Variants in RNF41 observed in about 807,000 individuals in gnomAD.
The protein encoded by RNF41 is ring finger protein 41, also known as E3 ubiquitin-protein ligase NRDP1.
A neutral mutation model predicts 33.0 loss-of-function variants in RNF41; 4 were observed. That is an observed-to-expected ratio of 0.12 (90% CI 0.06 to 0.28). RNF41 has a LOEUF of 0.28. Ranked by LOEUF, RNF41 falls within the 10% of genes least tolerant of loss-of-function variation. The pLI, the probability that RNF41 is intolerant of heterozygous loss-of-function variation, is 1.00. For synonymous variants in RNF41, 164 were observed against 153.2 expected, an observed-to-expected ratio of 1.07 and a Z score of -0.52; for missense variants, 228 against 432.6, an observed-to-expected ratio of 0.53 and a Z score of 4.19.
intron 1 of RNF41, 126 bp downstream of exon 1, chr12:56,221,634 C>G (rs939501093): frequency 1.3e-5 from 2 of 152,604 alleles, no homozygotes; most frequent in Non-Finnish European, 2.9e-5. Flanking sequence ...ACATTTTTAT[C>G]TCTACCACCA....
intron 3 of RNF41, chr12:56,213,167 G>C (rs933614549): frequency 7.8e-7 from 1 of 1,278,912 alleles, no homozygotes; most frequent in African/African-American, 1.5e-5. Flanking sequence ...GAAAAAAATA[G>C]GTCAGTACAT....
rs545764796 is a variant in RNF41, at chr12:56,205,924, C to G, written c.*523G>C. On this transcript the variant is annotated 3_prime_UTR_variant, in exon 7 of 7. Transcript: ENST00000345093. ...GGCTGAACAGGGATACTGCTTGGCA[C>G]AGAGGTCCAGTCTTTCCCTAAGGGC... 1 of 156,314 alleles carries G rather than the reference C, an allele frequency of 6.4e-6. No individual in the cohort carries two copies. The highest frequency in any genetic ancestry group is 1.4e-5 in the Non-Finnish European group (1 of 70,206). 9.7% of individuals were successfully genotyped at this position (156,314 alleles called of 1,614,324 possible). A position where few individuals can be genotyped will look rare whatever the true frequency, so the allele number is the denominator to read the frequency against.
rs1401980096 is a variant in RNF41 at position 56,208,208 on chromosome 12, C to T, written c.453G>A (p.Glu151=). The change falls in exon 5 of 7, where the codon GAG becomes GAA. Residue 151 remains glutamate (E), a synonymous_variant. Coordinates refer to ENST00000345093, the MANE Select transcript of RNF41 (RefSeq NM_005785.4). ...VVQQQQTRIA[E]LEKTSAEHKH... The stretch of plus-strand genomic sequence containing the variant: ...TGTGTTCAGCTGACGTCTTCTCCAG[C>T]TCTGCGATGCGTGTCTGCTGCTGCT... 1 of 1,614,248 alleles carries T rather than the reference C, an allele frequency of 6.2e-7. No homozygotes were observed. The highest frequency in any genetic ancestry group is 1.1e-5 in the South Asian group (1 of 91,088).
chr12:56,207,018 GTCTC>G (rs1270218819), intron 6 of RNF41: 1 of 1,144,828 alleles, frequency 8.7e-7, no homozygotes, highest in South Asian at 1.7e-5. Context: ...TCTGCACTCT[GTCTC>G]TGTTACTTTT....
chr12:56,202,767 C>T lies in RNF41; in HGVS notation c.*3680G>A, dbSNP rs1328841065. Reference sequence around the variant, plus strand: ...TTTGCAGGTAGGTGCCATTTTGCTACATAAGCCTCCTCATGTTCACTCTAG... The same window carrying T: ...TTTGCAGGTAGGTGCCATTTTGCTATATAAGCCTCCTCATGTTCACTCTAG... On this transcript the variant is annotated 3_prime_UTR_variant, in exon 7 of 7. Transcript: ENST00000345093. The T allele has an allele frequency of 6.6e-6, 1 of 152,204 alleles. No individual in the cohort carries two copies. Among genetic ancestry groups the T allele is most frequent in the Non-Finnish European group, 1.5e-5 (1 of 68,038 alleles). The allele number at this position is 152,204 out of a possible 1,614,324, so 9.4% of individuals were successfully genotyped here. A position where few individuals can be genotyped will look rare whatever the true frequency, so the allele number is the denominator to read the frequency against.
intron 2 of RNF41, 39 bp from the exon 3 acceptor site, chr12:56,214,109 A>G (rs1868681097): frequency 9.3e-7 from 1 of 1,070,520 alleles, no homozygotes; most frequent in Non-Finnish European, 1.5e-6. Flanking sequence ...GTTCAGAAGA[A>G]GCCTACAAAT....
chr12:56,204,666 G>GGT lies in RNF41; in HGVS notation c.*1779_*1780dup, dbSNP rs1878759779. ...GTAAGGACAGGACAGTATGAGCCTT[G>GGT]GTTAAGGCAGGTAGGGGAAAGGGGA... On this transcript the variant is annotated 3_prime_UTR_variant, in exon 7 of 7. Transcript: ENST00000345093. 6.6e-6 allele frequency: 1 copy of GGT among 152,612 alleles called. No individual in the cohort carries two copies. Among genetic ancestry groups the GGT allele is most frequent in the South Asian group, 2.1e-4 (1 of 4,832 alleles). The allele number at this position is 152,612 out of a possible 1,614,324, so 9.5% of individuals were successfully genotyped here. A position where few individuals can be genotyped will look rare whatever the true frequency, so the allele number is the denominator to read the frequency against.
At chr12:56,209,732 C>T (rs1234497417) in intron 4 of RNF41, among the ~76,000 whole-genome samples, 1 of 152,232 alleles carries the variant, frequency 6.6e-6, no homozygotes, top group Non-Finnish European at 1.5e-5. Context: ...GCTGGGATTA[C>T]AGGCGTGAGC....
At chr12:56,207,342 T>C (rs578235496) in intron 6 of RNF41, 105 of 1,263,068 alleles carry the variant, frequency 8.3e-5, no homozygotes, top group Admixed American at 1.7e-4. Flanking sequence ...CTATTTCTTT[T>C]TGGCCCTCCT....
chr12:56,210,665 G>A, intron 3 of RNF41, 97 bp from the exon 4 acceptor site: 1 of 1,268,584 alleles, frequency 7.9e-7, no homozygotes, highest in Non-Finnish European at 1.1e-6. Context: ...AAGCCTTTGA[G>A]CAGCCTCTAC....
chr12:56,212,870 A>C, intron 3 of RNF41: 3 of 685,824 alleles, frequency 4.4e-6, no homozygotes, highest in Non-Finnish European at 6.6e-6. Flanking sequence ...AAAATGTGAT[A>C]ATCTCTAGAT....
intron 3 of RNF41, among the ~76,000 whole-genome samples, chr12:56,211,971 CA>C (rs1176555839): frequency 2.7e-5 from 4 of 150,278 alleles, no homozygotes; most frequent in Admixed American, 2.0e-4. Context: ...GACTCCATCT[CA>C]AAAAAACAAA....
In RNF41 at chr12:56,203,904, A is replaced by ACCATC. The variant is rs1878715685; in HGVS notation, c.*2542_*2543insGATGG. The ACCATC allele has an allele frequency of 1.4e-5, 2 of 148,012 alleles. No individual in the cohort carries two copies. The highest frequency in any genetic ancestry group is 1.4e-4 in the Admixed American group (2 of 14,676). 9.2% of individuals were successfully genotyped at this position (148,012 alleles called of 1,614,324 possible). On this transcript the variant is annotated 3_prime_UTR_variant, in exon 7 of 7. Coordinates refer to ENST00000345093, the MANE Select transcript of RNF41 (RefSeq NM_005785.4). ...GTATTTTTAGTAGAGACGGGGTTTC[A>ACCATC]CTGTGTTAGCCAGGATGGTCTCGAA...
rs1159164640 is a variant in RNF41, at chr12:56,204,521, G to T, written c.*1926C>A. On this transcript the variant is annotated 3_prime_UTR_variant, in exon 7 of 7. Coordinates refer to ENST00000345093, the MANE Select transcript of RNF41 (RefSeq NM_005785.4). ...AAGAATTTAGAGAGTTGAGTAAAAG[G>T]TTTATTATTAGTGCAGTCAACACCA... The T allele has an allele frequency of 6.6e-6, 1 of 152,342 alleles. No individual in the cohort carries two copies. Among genetic ancestry groups the T allele is most frequent in the Non-Finnish European group, 1.5e-5 (1 of 68,044 alleles). 9.4% of individuals were successfully genotyped at this position (152,342 alleles called of 1,614,324 possible).
In RNF41 at chr12:56,206,319, G is replaced by A; in HGVS notation, c.*128C>T. On this transcript the variant is annotated 3_prime_UTR_variant, in exon 7 of 7. Coordinates refer to ENST00000345093, the MANE Select transcript of RNF41 (RefSeq NM_005785.4). The surrounding 1 kb of genome is among the most constrained non-coding windows in gnomAD (Gnocchi z 5.7). ...ACCCCAAGGCCCTTCAGTGCCAGAA[G>A]GGCAGGGAGATGTGTGGCTCAGGTA... is the stretch of plus-strand genomic sequence containing the variant. 5 of 834,612 alleles carry A rather than the reference G, an allele frequency of 6.0e-6. No individual in the cohort carries two copies. The highest frequency in any genetic ancestry group is 1.7e-5 in the South Asian group (1 of 60,062). 51.7% of individuals were successfully genotyped at this position (834,612 alleles called of 1,614,324 possible). A position where few individuals can be genotyped will look rare whatever the true frequency, so the allele number is the denominator to read the frequency against.
rs930478175 is a variant in RNF41 at position 56,216,542 on chromosome 12, G to A, written c.-137C>T. Reference sequence around the variant, plus strand: ...TAACCCATCTTGTTGGCTATTCTCCGACTGAGTATTCCTTCCCAGTGACAA... The same window carrying A: ...TAACCCATCTTGTTGGCTATTCTCCAACTGAGTATTCCTTCCCAGTGACAA... On this transcript the variant is annotated 5_prime_UTR_variant, in exon 2 of 7. Coordinates refer to ENST00000345093, the MANE Select transcript of RNF41 (RefSeq NM_005785.4). The A allele has an allele frequency of 2.0e-5, 3 of 152,340 alleles. No homozygotes were observed. Among genetic ancestry groups the A allele is most frequent in the South Asian group, 2.1e-4 (1 of 4,828 alleles). 9.4% of individuals were successfully genotyped at this position (152,340 alleles called of 1,614,324 possible).
chr12:56,214,030 G>T lies in RNF41; in HGVS notation c.18C>A (p.Thr6=). 1 of 1,613,608 alleles carries T rather than the reference G, an allele frequency of 6.2e-7. No homozygotes were observed. Among genetic ancestry groups the T allele is most frequent in the Non-Finnish European group, 8.5e-7 (1 of 1,179,598 alleles). Residue 6 remains threonine (T), a synonymous_variant, in exon 3 of 7, where the codon ACC becomes ACA. Coordinates refer to ENST00000345093, the MANE Select transcript of RNF41 (RefSeq NM_005785.4). Reference sequence around the variant, plus strand: ...CTTCGTCAACATCCCCCTGGAAACGGGTTACATCATACCCCATGTCTCATC... The same window carrying T: ...CTTCGTCAACATCCCCCTGGAAACGTGTTACATCATACCCCATGTCTCATC... The part of the protein sequence containing the change: MGYDV[T]RFQGDVDEDL...
chr12:56,221,864 G>C lies in RNF41; in HGVS notation c.-313C>G, dbSNP rs1441478756. 9.2e-5 allele frequency: 14 copies of C among 152,602 alleles called. No individual in the cohort carries two copies. Among genetic ancestry groups the C allele is most frequent in the Non-Finnish European group, 4.4e-5 (3 of 68,256 alleles). The allele number at this position is 152,602 out of a possible 1,614,324, so 9.5% of individuals were successfully genotyped here. The stretch of plus-strand genomic sequence containing the variant: ...GCCGGGTCCCAGCCTCTCCCGGGAA[G>C]GGAAGGGAAAGGGGAAGGAGGGGAA... On this transcript the variant is annotated 5_prime_UTR_variant, in exon 1 of 7. Transcript: ENST00000345093.
chr12:56,208,534 T>A, intron 4 of RNF41: 1 of 355,978 alleles, frequency 2.8e-6, no homozygotes, highest in African/African-American at 2.1e-5. Context: ...CACAGTGTTT[T>A]ATCTATTTTT....
Sources: allele counts gnomAD v4.1 joint callset (sites outside exome capture counted in the v4.1 genomes callset), GRCh38; gene constraint gnomAD v4.1.1; non-coding constraint Gnocchi (gnomAD v3.1); transcripts MANE v1.5; gene names NCBI Gene and HGNC (gene_info 2026-07-23, HGNC 2026-07-21).